Variants in UBR3 observed in about 807,000 individuals in gnomAD.
UBR3 encodes ubiquitin protein ligase E3 component n-recognin 3.
In UBR3, 85 loss-of-function variants were observed where a neutral mutation model predicts 243.2. The observed-to-expected ratio is 0.35, with a 90% confidence interval of 0.29 to 0.42. UBR3 has a LOEUF of 0.42. Among genes scored for constraint, UBR3 ranks in the 10% least tolerant of loss-of-function variants. The probability of loss-of-function intolerance (pLI) is 1.00; values close to 1 mark genes in which losing one functional copy is unlikely to be tolerated. For synonymous variants in UBR3, 748 were observed against 799.8 expected (o/e 0.94, Z 1.09); for missense variants, 1,686 against 2,300.8 (o/e 0.73, Z 5.47).
chr2:169,944,118 G>T lies in UBR3; in HGVS notation c.2805+1484G>T, dbSNP rs762140239. On this transcript the variant is annotated intron_variant, in intron 20 of 38. Coordinates refer to ENST00000272793, the MANE Select transcript of UBR3 (RefSeq NM_172070.4). ...ATCTTTTTGTACTGAAAAGATATTT[G>T]TATTTGTTTTACAAATAATGGACAG... Among the ~76,000 whole-genome samples the T allele has an allele frequency of 1.4e-4, 21 of 152,044 alleles. 1 individual carries two copies. The highest frequency in any genetic ancestry group is 2.2e-4 in the Non-Finnish European group (15 of 67,972).
intron 32 of UBR3, among the ~76,000 whole-genome samples, chr2:170,046,700 CA>C (rs752471179): frequency 2.6e-5 from 4 of 152,134 alleles, no homozygotes; most frequent in Non-Finnish European, 5.9e-5. Flanking sequence ...AAGTGGAATT[CA>C]TAAAACTAAA....
chr2:169,906,284 T>TCATAAAGCTGA, intron 10 of UBR3, 120 bp downstream of exon 10: 1 of 1,182,400 alleles, frequency 8.5e-7, no homozygotes, highest in Non-Finnish European at 1.1e-6. Flanking sequence ...AATTCAGCTT[T>TCATAAAGCTGA]ATGAAAACTG....
chr2:170,039,532 A>G (rs2090913748), intron 31 of UBR3, among the ~76,000 whole-genome samples: 1 of 152,200 alleles, frequency 6.6e-6, no homozygotes, highest in Non-Finnish European at 1.5e-5. Flanking sequence ...AAATTCAGAG[A>G]GCTGTCTTCC....
At chr2:169,838,572 G>A (rs538942799) in intron 1 of UBR3, among the ~76,000 whole-genome samples, 2 of 152,068 alleles carry the variant, frequency 1.3e-5, no homozygotes, top group African/African-American at 4.8e-5. Context: ...ATCCCCAAAG[G>A]CTTCCGCCTC....
intron 24 of UBR3, among the ~76,000 whole-genome samples, chr2:169,984,639 AC>A (rs1487973639): frequency 1.3e-5 from 2 of 152,168 alleles, no homozygotes; most frequent in Non-Finnish European, 2.9e-5. Flanking sequence ...TTTAAATCTT[AC>A]TAAAAATGTC....
chr2:169,937,824 T>G (rs931750547), intron 19 of UBR3, among the ~76,000 whole-genome samples: 7 of 152,108 alleles, frequency 4.6e-5, no homozygotes, highest in African/African-American at 1.7e-4. Context: ...GGTAGGCAGG[T>G]TGGTTGAGAA....
At chr2:169,844,650 C>T (rs2082408403) in intron 1 of UBR3, among the ~76,000 whole-genome samples, 2 of 151,920 alleles carry the variant, frequency 1.3e-5, no homozygotes, top group South Asian at 4.2e-4. Context: ...TGCACCACTG[C>T]GCCTAGCTAA....
In UBR3 at chr2:169,878,561, A is replaced by T. The variant is rs1197931185; in HGVS notation, c.1025A>T (p.Asp342Val). ...IGATGTLGQV[D>V]SSDEDDQDGS... ...GCAACAGGAACTTTGGGACAAGTGG[A>T]TTCTTCAGATGAGGTGAGATTTAAA... The change falls in exon 5 of 39, where the codon GAT becomes GTT. Residue 342 changes from aspartate (D) to valine (V), a missense_variant. Physicochemically the swap from Asp to Val is radical, Grantham distance 152. Transcript: ENST00000272793. The T allele has an allele frequency of 1.3e-6, 2 of 1,551,134 alleles. No individual in the cohort carries two copies. The highest frequency in any genetic ancestry group is 8.7e-7 in the Non-Finnish European group (1 of 1,146,680).
At chr2:170,046,097 G>A (rs1483546375) in intron 32 of UBR3, among the ~76,000 whole-genome samples, 2 of 151,626 alleles carry the variant, frequency 1.3e-5, no homozygotes, top group African/African-American at 4.8e-5. Context: ...TTCCCAAGTA[G>A]CTAGGATTAC....
At chr2:169,963,264 T>C (rs10200017) in intron 24 of UBR3, among the ~76,000 whole-genome samples, 41,105 of 152,028 alleles carry the variant, frequency 0.27, 5,766 homozygotes, top group East Asian at 0.42. Context: ...TTTATACTTA[T>C]GGCTCCTGTC....
chr2:169,978,921 C>G (rs770697407), intron 24 of UBR3, among the ~76,000 whole-genome samples: 3 of 152,080 alleles, frequency 2.0e-5, no homozygotes, highest in Non-Finnish European at 4.4e-5. Context: ...GGCTCTGTAG[C>G]TCAGCCAGGG....
chr2:169,905,408 A>C, intron 9 of UBR3, 115 bp downstream of exon 9: 436 of 673,774 alleles, frequency 6.5e-4, no homozygotes, highest in Middle Eastern at 9.0e-4. Context: ...GAAATAGCTC[A>C]TTATTTTAAT....
At position 169,839,484 on chromosome 2, in the gene UBR3, A is replaced by G. The variant is rs375385629; in HGVS notation, c.545+11432A>G. On this transcript the variant is annotated intron_variant, in intron 1 of 38. Transcript: ENST00000272793. ...ATCAGTAGGGTAACTGTAGTTTACA[A>G]TAATCCATTGTAAATTACAAAATAG... 2.5e-4 allele frequency among the ~76,000 whole-genome samples: 38 copies of G among 149,888 alleles called. No homozygotes were observed. The South Asian group carries it at 8.0e-3, about 31-fold the overall frequency.
chr2:169,877,524 G>A lies in UBR3; in HGVS notation c.875G>A (p.Ser292Asn). 2 of 1,535,810 alleles carry A rather than the reference G, an allele frequency of 1.3e-6. No individual in the cohort carries two copies. Among genetic ancestry groups the A allele is most frequent in the Non-Finnish European group, 1.7e-6 (2 of 1,143,650 alleles). The change falls in exon 4 of 39, where the codon AGT becomes AAT. Residue 292 changes from serine to asparagine, a missense_variant. Around this residue, in one of 8 missense-constraint regions of UBR3, gnomAD observed 200 missense variants for 231.6 expected, o/e 0.86. Coordinates refer to ENST00000272793, the MANE Select transcript of UBR3 (RefSeq NM_172070.4). ...GGAGAAAATGCTTGTGTAAAGAAAA[G>A]TCATGAAAAGTACCTTATAGCTTTA... ...GLGENACVKK[S>N]HEKYLIALKS...
At chr2:169,960,236 C>CA (rs11461641) in intron 24 of UBR3, among the ~76,000 whole-genome samples, 16,386 of 63,644 alleles carry the variant, frequency 0.26, 1,395 homozygotes, top group Admixed American at 0.31. Flanking sequence ...GTGACAAGAG[C>CA]AAAAAAAAAA....
At chr2:169,948,846 G>A (rs1009830516) in intron 22 of UBR3, among the ~76,000 whole-genome samples, 4 of 151,816 alleles carry the variant, frequency 2.6e-5, no homozygotes, top group South Asian at 2.1e-4. Flanking sequence ...GAGCCCTGGT[G>A]CAGTTTGATT....
Position 169,942,547 on chromosome 2 carries a change from G to A in UBR3, c.2718G>A (p.Arg906=), listed in dbSNP as rs1320804451. ...PGNPWPPYKK[R]TSLHPSYKGL... ...ATCCCTGGCCTCCATATAAGAAAAG[G>A]ACATCACTCCATCCTAGCTATAAAG... The change falls in exon 20 of 39, where the codon AGG becomes AGA. Residue 906 remains arginine (R), a synonymous_variant. Transcript: ENST00000272793. 1 of 1,550,428 alleles carries A rather than the reference G, an allele frequency of 6.4e-7. No homozygotes were observed. The highest frequency in any genetic ancestry group is 1.4e-5 in the African/African-American group (1 of 73,132).
intron 11 of UBR3, among the ~76,000 whole-genome samples, chr2:169,918,223 G>A (rs573313516): frequency 6.6e-6 from 1 of 152,086 alleles, no homozygotes; most frequent in Admixed American, 6.5e-5. Context: ...GCAGATCTGA[G>A]TGTAAATTGT....
At chr2:170,023,776 A>G (rs1286456002) in intron 30 of UBR3, among the ~76,000 whole-genome samples, 4 of 152,078 alleles carry the variant, frequency 2.6e-5, no homozygotes, top group African/African-American at 4.8e-5. Flanking sequence ...TATTTTTAGT[A>G]GAGATGGGGT....
Sources: gnomAD v4.1 joint callset for allele counts (sites outside exome capture counted in the v4.1 genomes callset) on GRCh38, gnomAD v4.1.1 for gene constraint, gnomAD v4.1.1 regional missense constraint, MANE v1.5 for transcripts, NCBI Gene and HGNC (gene_info 2026-07-23, HGNC 2026-07-21) for gene names.